ZFAT: variants seen among roughly 807,000 people sequenced by gnomAD.
ZFAT encodes zinc finger and AT-hook domain containing.
Under a neutral mutation model 117.7 loss-of-function variants are expected in ZFAT, and 64 were observed. That is an observed-to-expected ratio of 0.54 (90% confidence interval 0.44 to 0.67). The LOEUF is 0.67. ZFAT is among the 30% of genes least tolerant of loss of function. The pLI, the probability that ZFAT is intolerant of heterozygous loss-of-function variation, is 0.00. For synonymous variants in ZFAT, 679 were observed against 615.0 expected (o/e 1.10, Z -1.54); for missense variants, 1,433 against 1,584.5 (o/e 0.90, Z 1.62).
chr8:134,710,832 G>T (rs190697052), intron 1 of ZFAT, among the ~76,000 whole-genome samples: 1 of 152,290 alleles, frequency 6.6e-6, no homozygotes, highest in African/African-American at 2.4e-5. Flanking sequence ...GGCAATCTGT[G>T]GTTGTCTGGC....
intron 1 of ZFAT, among the ~76,000 whole-genome samples, chr8:134,662,095 G>A (rs899962799): frequency 2.0e-5 from 3 of 152,196 alleles, no homozygotes; most frequent in African/African-American, 7.2e-5. Flanking sequence ...GGCATTGGCA[G>A]AATCAATGCT....
At chr8:134,486,569 A>T (rs2130076506) in intron 15 of ZFAT, among the ~76,000 whole-genome samples, 1 of 152,312 alleles carries the variant, frequency 6.6e-6, no homozygotes, top group South Asian at 2.1e-4. Context: ...TCAGGAAATG[A>T]ACAGAGAAGC....
intron 11 of ZFAT, among the ~76,000 whole-genome samples, chr8:134,561,008 G>A (rs1824008168): frequency 6.6e-6 from 1 of 152,226 alleles, no homozygotes; most frequent in African/African-American, 2.4e-5. Context: ...TGCAAGAAGA[G>A]AAAATAACAT....
At position 134,602,368 on chromosome 8, in the gene ZFAT, C is replaced by T. The variant is rs770534202; in HGVS notation, c.1351G>A (p.Val451Ile). ...ATKYQALELH[V>I]RKHPFVYVCA... ...ACGTACACGAAGGGGTGCTTCCTGA[C>T]ATGCAGTTCCAGCGCCTGGTACTTG... Residue 451 changes from valine (V) to isoleucine (I), a missense_variant, in exon 6 of 16, where the codon GTC becomes ATC. Val to Ile is a conservative substitution (Grantham distance 29). Transcript: ENST00000377838. 3.7e-6 allele frequency: 6 copies of T among 1,613,876 alleles called. No homozygotes were observed. Among genetic ancestry groups the T allele is most frequent in the South Asian group, 1.1e-5 (1 of 91,092 alleles).
intron 15 of ZFAT, among the ~76,000 whole-genome samples, chr8:134,506,033 G>C (rs1049699695): frequency 6.6e-5 from 10 of 152,164 alleles, no homozygotes; most frequent in African/African-American, 2.4e-4. Flanking sequence ...TTTAAGCCAT[G>C]AGCCACTGGT....
At chr8:134,501,179 G>T (rs1818943499) in intron 15 of ZFAT, among the ~76,000 whole-genome samples, 1 of 152,208 alleles carries the variant, frequency 6.6e-6, no homozygotes, top group African/African-American at 2.4e-5. Context: ...GAAATCCTGA[G>T]CATATGCCTA....
At chr8:134,788,241 C>T in the ZFAT span, among the ~76,000 whole-genome samples, 186 of 152,240 alleles carry the variant, frequency 1.2e-3, 1 homozygote, top group Middle Eastern at 0.037. Context: ...TTCAGCCTTG[C>T]TTCTTTTCTA....
chr8:134,783,882 G>T, the ZFAT span: 4 of 152,184 alleles, frequency 2.6e-5, no homozygotes, highest in Non-Finnish European at 5.9e-5. Context: ...TTATCAACCA[G>T]GGAAGCTGAG....
chr8:134,584,713 T>C (rs1212266769), intron 9 of ZFAT, among the ~76,000 whole-genome samples: 1 of 151,702 alleles, frequency 6.6e-6, no homozygotes, highest in Non-Finnish European at 1.5e-5. Context: ...GCCTTCACTG[T>C]CCGGTGGGAG....
chr8:134,694,236 G>C (rs1362577633), intron 1 of ZFAT, among the ~76,000 whole-genome samples: 2 of 152,302 alleles, frequency 1.3e-5, no homozygotes, highest in East Asian at 3.9e-4. Context: ...GTGTCGCTGG[G>C]ACAATCAGTG....
chr8:134,650,548 G>A (rs1418752622), intron 2 of ZFAT, among the ~76,000 whole-genome samples: 2 of 152,128 alleles, frequency 1.3e-5, no homozygotes, highest in Non-Finnish European at 2.9e-5. Flanking sequence ...TGAAGAAATA[G>A]ACAAGCTGAT....
chr8:134,761,872 A>T, the ZFAT span, among the ~76,000 whole-genome samples: 1 of 152,114 alleles, frequency 6.6e-6, no homozygotes, highest in Non-Finnish European at 1.5e-5. Flanking sequence ...TTCAGGTCGC[A>T]GGTTGGCTAA....
chr8:134,615,978 G>A (rs1189437306), intron 3 of ZFAT, among the ~76,000 whole-genome samples: 2 of 152,204 alleles, frequency 1.3e-5, no homozygotes, highest in African/African-American at 2.4e-5. Context: ...CAAATGCCAG[G>A]TGCATTTAGG....
the ZFAT span, among the ~76,000 whole-genome samples, chr8:134,745,210 A>C: frequency 6.6e-6 from 1 of 152,334 alleles, no homozygotes; most frequent in African/African-American, 2.4e-5. Flanking sequence ...AGGGAAGGGA[A>C]TCATATGGCA....
At chr8:134,539,823 A>C (rs1822119714) in intron 11 of ZFAT, among the ~76,000 whole-genome samples, 1 of 152,200 alleles carries the variant, frequency 6.6e-6, no homozygotes, top group Non-Finnish European at 1.5e-5. Flanking sequence ...CAAGGGTAGA[A>C]GAGCGGAGTG....
At chr8:134,631,940 G>A (rs746881293) in intron 3 of ZFAT, among the ~76,000 whole-genome samples, 32 of 152,098 alleles carry the variant, frequency 2.1e-4, no homozygotes, top group Non-Finnish European at 4.0e-4. Flanking sequence ...TTGAGACTTT[G>A]AACTGCCAGA....
chr8:134,819,496 A>ACCCCCCCCCCCCCCCCC, the ZFAT span, among the ~76,000 whole-genome samples: 7 of 39,336 alleles, frequency 1.8e-4, no homozygotes, highest in Non-Finnish European at 2.8e-4. Context: ...CGGATTTACC[A>ACCCCCCCCCCCCCCCCC]CCCCCCCCCC....
chr8:134,759,274 G>A, the ZFAT span, among the ~76,000 whole-genome samples: 2 of 152,174 alleles, frequency 1.3e-5, no homozygotes, highest in Non-Finnish European at 2.9e-5. Context: ...GATCCAGCAA[G>A]AGGGACTCAG....
At chr8:134,535,236 A>G (rs1202500218) in intron 11 of ZFAT, among the ~76,000 whole-genome samples, 1 of 152,120 alleles carries the variant, frequency 6.6e-6, no homozygotes, top group Non-Finnish European at 1.5e-5. Context: ...TGGTGGATCT[A>G]TATGTTTTGT....
Sources: allele counts gnomAD v4.1 joint callset (sites outside exome capture counted in the v4.1 genomes callset), GRCh38; gene constraint gnomAD v4.1.1; transcripts MANE v1.5; gene names NCBI Gene and HGNC (gene_info 2026-07-23, HGNC 2026-07-21).